Variants in ADAMTS12 observed in about 807,000 individuals in gnomAD.
ADAMTS12 encodes A disintegrin and metalloproteinase with thrombospondin motifs 12.
A neutral mutation model predicts 167.8 loss-of-function variants in ADAMTS12; 118 were observed. The ratio of observed to expected loss-of-function variants is 0.70; its 90% CI spans 0.61 to 0.82. ADAMTS12 has a LOEUF of 0.82. Ranked by LOEUF, ADAMTS12 falls within the 40% of genes least tolerant of loss-of-function variation. The pLI, the probability that ADAMTS12 is intolerant of heterozygous loss-of-function variation, is 0.00. For synonymous variants in ADAMTS12, 704 were observed against 716.9 expected, an observed-to-expected ratio of 0.98 and a Z score of 0.29; for missense variants, 1,916 against 1,998.8, an observed-to-expected ratio of 0.96 and a Z score of 0.79.
At chr5:33,568,000 C>T (rs1020216998) in intron 19 of ADAMTS12, among the ~76,000 whole-genome samples, 1 of 152,094 alleles carries the variant, frequency 6.6e-6, no homozygotes, top group Non-Finnish European at 1.5e-5. Context: ...GGTTTCCTTG[C>T]CTCTACAATA....
chr5:33,680,075 G>A (rs1423222803), intron 5 of ADAMTS12, among the ~76,000 whole-genome samples: 2 of 152,184 alleles, frequency 1.3e-5, no homozygotes, highest in Non-Finnish European at 2.9e-5. Flanking sequence ...CTGCAATTCT[G>A]CTGTTAACTT....
intron 20 of ADAMTS12, 137 bp downstream of exon 20, chr5:33,560,890 G>A (rs1330307917): frequency 1.7e-6 from 2 of 1,158,132 alleles, no homozygotes; most frequent in Non-Finnish European, 2.4e-6. Flanking sequence ...TGAACGTTGT[G>A]CACATGTACC....
chr5:33,803,117 GAT>G (rs145235693), intron 2 of ADAMTS12, among the ~76,000 whole-genome samples: 7,355 of 152,240 alleles, frequency 0.048, 616 homozygotes, highest in African/African-American at 0.17. Flanking sequence ...ACTCATACAT[GAT>G]AAGGTACATG....
intron 6 of ADAMTS12, among the ~76,000 whole-genome samples, chr5:33,660,283 A>G (rs1741210216): frequency 6.6e-6 from 1 of 152,204 alleles, no homozygotes; most frequent in Non-Finnish European, 1.5e-5. Context: ...TTGGGGTCAA[A>G]CTACCTGGAC....
At chr5:33,696,688 G>A (rs1326710217) in intron 3 of ADAMTS12, among the ~76,000 whole-genome samples, 1 of 152,110 alleles carries the variant, frequency 6.6e-6, no homozygotes, top group Non-Finnish European at 1.5e-5. Context: ...AGTCTGCACT[G>A]GGAGGCTGCT....
chr5:33,744,173 G>A lies in ADAMTS12; in HGVS notation c.634+7231C>T, dbSNP rs114487357. ...TGTCCCAACTGAGCTTCTTGTCTAGGGAAAGACATAGGCAGATACTCATCA... is the reference window on the plus strand; with the variant it reads ...TGTCCCAACTGAGCTTCTTGTCTAGAGAAAGACATAGGCAGATACTCATCA... On this transcript the variant is annotated intron_variant, in intron 3 of 23. Coordinates refer to ENST00000504830, the MANE Select transcript of ADAMTS12 (RefSeq NM_030955.4). Among the ~76,000 whole-genome samples, 811 of 152,276 alleles carry A rather than the reference G, an allele frequency of 5.3e-3. 6 individuals are homozygous for A. The highest frequency in any genetic ancestry group is 0.019 in the African/African-American group (772 of 41,546).
rs757015767 is a variant in ADAMTS12, at chr5:33,879,977, G to A, written c.489+1142C>T. Reference sequence around the variant, plus strand: ...GCACAGGGACCAAGGCCAAAAACACGGACTCCTCCATAACCACTTTCGAGA... The same window carrying A: ...GCACAGGGACCAAGGCCAAAAACACAGACTCCTCCATAACCACTTTCGAGA... On this transcript the variant is annotated intron_variant, in intron 2 of 23. Coordinates refer to ENST00000504830, the MANE Select transcript of ADAMTS12 (RefSeq NM_030955.4). 4.6e-5 allele frequency among the ~76,000 whole-genome samples: 7 copies of A among 152,090 alleles called. No homozygotes were observed. The East Asian group carries it at 7.7e-4, about 17-fold the overall frequency.
chr5:33,638,392 T>G (rs933326537), intron 11 of ADAMTS12, among the ~76,000 whole-genome samples: 1 of 152,192 alleles, frequency 6.6e-6, no homozygotes, highest in African/African-American at 2.4e-5. Context: ...TTCAAAGCTC[T>G]CACAATCCTG....
At chr5:33,867,137 A>G (rs1001033941) in intron 2 of ADAMTS12, among the ~76,000 whole-genome samples, 22 of 152,280 alleles carry the variant, frequency 1.4e-4, no homozygotes, top group African/African-American at 5.1e-4. Flanking sequence ...AGAAGTCATC[A>G]TATAAAAAAG....
At chr5:33,643,296 G>A (rs1482016290) in intron 10 of ADAMTS12, 82 bp downstream of exon 10, 2 of 1,384,802 alleles carry the variant, frequency 1.4e-6, no homozygotes, top group East Asian at 2.3e-5. Context: ...AGAGAGAGTT[G>A]CCCTCTAGGG....
chr5:33,827,730 G>GATAGATAA (rs1217100835), intron 2 of ADAMTS12, among the ~76,000 whole-genome samples: 1 of 149,896 alleles, frequency 6.7e-6, no homozygotes, highest in Non-Finnish European at 1.5e-5. Flanking sequence ...TAGATAGATA[G>GATAGATAA]ATAGATAGAT....
chr5:33,678,428 C>A (rs1741995310), intron 5 of ADAMTS12, among the ~76,000 whole-genome samples: 2 of 152,190 alleles, frequency 1.3e-5, no homozygotes, highest in African/African-American at 4.8e-5. Context: ...TTAAATAGAT[C>A]TAAGATTACA....
chr5:33,872,606 C>G (rs1162018989), intron 2 of ADAMTS12, among the ~76,000 whole-genome samples: 2 of 151,688 alleles, frequency 1.3e-5, no homozygotes, highest in African/African-American at 4.8e-5. Flanking sequence ...CTCTGATAAA[C>G]AGAGACGCAA....
chr5:33,577,100 C>A lies in ADAMTS12; in HGVS notation c.2926G>T (p.Asp976Tyr). ...IRSVTCAKNH[D>Y]EPCDVTRKPN... Reference sequence around the variant, plus strand: ...TTCCTTGTCACATCGCAAGGTTCATCATGGTTCTTGGCACATGTGACACTG... The same window carrying A: ...TTCCTTGTCACATCGCAAGGTTCATAATGGTTCTTGGCACATGTGACACTG... Residue 976 changes from aspartate to tyrosine, a missense_variant, in exon 19 of 24, where the codon GAT (aspartate) becomes TAT (tyrosine). Asp to Tyr is a radical substitution (Grantham distance 160, BLOSUM62 -3). Transcript: ENST00000504830. The A allele has an allele frequency of 6.2e-7, 1 of 1,614,182 alleles. No homozygotes were observed. Among genetic ancestry groups the A allele is most frequent in the African/African-American group, 1.3e-5 (1 of 75,046 alleles).
At chr5:33,735,329 G>C in intron 3 of ADAMTS12, among the ~76,000 whole-genome samples, 1 of 152,154 alleles carries the variant, frequency 6.6e-6, no homozygotes, top group East Asian at 1.9e-4. Flanking sequence ...GATGCTGCTG[G>C]TCCGGGGACT....
At chr5:33,550,278 C>A (rs766577511) in intron 20 of ADAMTS12, among the ~76,000 whole-genome samples, 2 of 152,218 alleles carry the variant, frequency 1.3e-5, no homozygotes, top group Non-Finnish European at 2.9e-5. Context: ...TCCCCACTCC[C>A]TGACCTACAA....
intron 5 of ADAMTS12, among the ~76,000 whole-genome samples, chr5:33,668,372 T>C (rs1741546290): frequency 1.3e-5 from 2 of 152,228 alleles, no homozygotes; most frequent in South Asian, 4.1e-4. Context: ...AAATCATAAA[T>C]GGAACCATTG....
intron 2 of ADAMTS12, among the ~76,000 whole-genome samples, chr5:33,849,482 A>G (rs1006590585): frequency 7.0e-6 from 1 of 142,542 alleles, no homozygotes; most frequent in Admixed American, 6.9e-5. Context: ...TGTATTGCAC[A>G]GCAATATATA....
intron 2 of ADAMTS12, among the ~76,000 whole-genome samples, chr5:33,778,047 T>G (rs1427902642): frequency 6.6e-6 from 1 of 152,044 alleles, no homozygotes; most frequent in Non-Finnish European, 1.5e-5. Context: ...TGGAAAGATA[T>G]CTCATGTTCA....
Sources: allele counts gnomAD v4.1 joint callset (sites outside exome capture counted in the v4.1 genomes callset), GRCh38; gene constraint gnomAD v4.1.1; transcripts MANE v1.5; gene names NCBI Gene and HGNC (gene_info 2026-07-23, HGNC 2026-07-21).